The following IKBKE variants were observed in gnomAD, a reference collection of about 807,000 sequenced individuals.
IKBKE encodes the protein inhibitor of nuclear factor kappa B kinase subunit epsilon, also known as inhibitor of nuclear factor kappa-B kinase subunit epsilon.
In IKBKE, 45 loss-of-function variants were observed where a neutral mutation model predicts 92.1. The ratio of observed to expected loss-of-function variants is 0.49; its 90% CI spans 0.38 to 0.63. The LOEUF is 0.63. Among genes scored for constraint, IKBKE ranks in the 20% least tolerant of loss-of-function variants. The pLI, the probability that IKBKE is intolerant of heterozygous loss-of-function variation, is 0.00. For synonymous variants in IKBKE, 374 were observed against 380.3 expected, an observed-to-expected ratio of 0.98 and a Z score of 0.19; for missense variants, 700 against 932.8, an observed-to-expected ratio of 0.75 and a Z score of 3.25.
Position 206,478,825 on chromosome 1 carries a change from C to A in IKBKE, c.993-118C>A. 1 of 801,422 alleles carries A rather than the reference C, an allele frequency of 1.2e-6. No homozygotes were observed. The highest frequency in any genetic ancestry group is 2.2e-6 in the Non-Finnish European group (1 of 461,484). The allele number at this position is 801,422 out of a possible 1,614,324, so 49.6% of individuals were successfully genotyped here. ...CAGAGAAAACCACCCCCGTCCCTCC[C>A]TCTGCAAAACAGAGCCCTGTCTATG... On this transcript the variant is annotated intron_variant, in intron 9 of 21. Coordinates refer to ENST00000581977, the MANE Select transcript of IKBKE (RefSeq NM_014002.4). The surrounding 1 kb of genome is among the most constrained non-coding windows in gnomAD (Gnocchi z 4.8).
chr1:206,496,242 T>C lies in IKBKE; in HGVS notation c.*97T>C. ...CAACCCAGGGCAAGATCCCATCCCA[T>C]CACATCAGCCTACCTCCCTCCTGGC... On this transcript the variant is annotated 3_prime_UTR_variant, in exon 22 of 22. Transcript: ENST00000581977. 5.0e-6 allele frequency: 5 copies of C among 999,050 alleles called. No homozygotes were observed. Among genetic ancestry groups the C allele is most frequent in the Middle Eastern group, 2.1e-4 (1 of 4,760 alleles). The allele number at this position is 999,050 out of a possible 1,614,324, so 61.9% of individuals were successfully genotyped here.
intron 21 of IKBKE, among the ~76,000 whole-genome samples, chr1:206,494,477 T>C (rs1666115872): frequency 6.6e-6 from 1 of 151,732 alleles, no homozygotes; most frequent in Non-Finnish European, 1.5e-5. Flanking sequence ...TGCAGGATCA[T>C]CTCCTGATTT....
chr1:206,482,695 T>C (rs1301316002), intron 13 of IKBKE, among the ~76,000 whole-genome samples: 23 of 152,194 alleles, frequency 1.5e-4, no homozygotes, highest in Admixed American at 1.3e-3. Flanking sequence ...CTCCAGCCCA[T>C]TGTCACCTTC....
intron 3 of IKBKE, among the ~76,000 whole-genome samples, chr1:206,473,960 CAA>C (rs58205740): frequency 0.28 from 17,264 of 60,708 alleles, 676 homozygotes; most frequent in Non-Finnish European, 0.36. Flanking sequence ...GGCTCCGTCT[CAA>C]AAAAAAAAAA....
chr1:206,490,892 A>C lies in IKBKE; in HGVS notation c.1733+34A>C. On this transcript the variant is annotated intron_variant, in intron 17 of 21. Transcript: ENST00000581977. This position sits in a 1 kb window ranked among gnomAD's most constrained non-coding sequence, Gnocchi z 5.2. ...CCTGTCCTCCGGCAGGTGGGTGGGC[A>C]GGAGGGTGGGTGTCCTCAGGGCAGA... is the stretch of plus-strand genomic sequence containing the variant. 1 of 1,603,378 alleles carries C rather than the reference A, an allele frequency of 6.2e-7. No homozygotes were observed. The highest frequency in any genetic ancestry group is 1.1e-5 in the South Asian group (1 of 90,854).
Position 206,477,793 on chromosome 1 carries a change from C to T in IKBKE, c.746C>T (p.Ala249Val), listed in dbSNP as rs1553385811. 1 of 1,571,214 alleles carries T rather than the reference C, an allele frequency of 6.4e-7. No individual in the cohort carries two copies. The highest frequency in any genetic ancestry group is 1.2e-5 in the South Asian group (1 of 85,360). ...TEKPAGAIAG[A>V]QRRENGPLEW... ...AAGCCGGCTGGGGCCATTGCAGGTGCCCAGAGGCGGGAGAACGGGCCCCTG... is the reference window on the plus strand; with the variant it reads ...AAGCCGGCTGGGGCCATTGCAGGTGTCCAGAGGCGGGAGAACGGGCCCCTG... Residue 249 changes from alanine (A) to valine (V), a missense_variant, in exon 8 of 22, where the codon GCC becomes GTC. Physicochemically the swap from Ala to Val is moderately conservative, Grantham distance 64 (BLOSUM62 0). Coordinates refer to ENST00000581977, the MANE Select transcript of IKBKE (RefSeq NM_014002.4).
Position 206,476,981 on chromosome 1 carries a change from C to CT in IKBKE, c.701+150dup. On this transcript the variant is annotated intron_variant, in intron 7 of 21. Transcript: ENST00000581977. This position sits in a 1 kb window ranked among gnomAD's most constrained non-coding sequence, Gnocchi z 5.1. ...CCCCCAACCCAGGCTCTTTGTAGAT[C>CT]TTTTTTTGTTAATGGGATCAAACAA... The CT allele has an allele frequency of 1.2e-6, 1 of 852,960 alleles. No homozygotes were observed. The highest frequency in any genetic ancestry group is 1.8e-6 in the Non-Finnish European group (1 of 559,330). 52.8% of individuals were successfully genotyped at this position (852,960 alleles called of 1,614,324 possible). A position where few individuals can be genotyped will look rare whatever the true frequency, so the allele number is the denominator to read the frequency against.
At chr1:206,489,986 A>G (rs1665865356) in intron 16 of IKBKE, among the ~76,000 whole-genome samples, 1 of 152,316 alleles carries the variant, frequency 6.6e-6, no homozygotes, top group Non-Finnish European at 1.5e-5. Flanking sequence ...CATGAGCCTC[A>G]CGGGACTCCC....
At chr1:206,494,604 T>C (rs1256030958) in intron 21 of IKBKE, among the ~76,000 whole-genome samples, 3 of 126,038 alleles carry the variant, frequency 2.4e-5, no homozygotes, top group African/African-American at 1.0e-4. Flanking sequence ...TTTTTTTTTT[T>C]TTTTTTTTTT....
chr1:206,479,942 G>A lies in IKBKE; in HGVS notation c.1248+8G>A, dbSNP rs2103462798. On this transcript the variant is annotated splice_region_variant and intron_variant, in intron 11 of 21. Coordinates refer to ENST00000581977, the MANE Select transcript of IKBKE (RefSeq NM_014002.4). Reference sequence around the variant, plus strand: ...GATTACAACACTGCCAAGGTGAGGGGCAACCCCCAGGTGGCAGGGAGGGGC... The same window carrying A: ...GATTACAACACTGCCAAGGTGAGGGACAACCCCCAGGTGGCAGGGAGGGGC... The A allele has an allele frequency of 6.2e-7, 1 of 1,613,774 alleles. No homozygotes were observed.
chr1:206,476,112 C>A lies in IKBKE; in HGVS notation c.359-69C>A. 2 of 1,494,420 alleles carry A rather than the reference C, an allele frequency of 1.3e-6. No homozygotes were observed. Among genetic ancestry groups the A allele is most frequent in the Non-Finnish European group, 1.8e-6 (2 of 1,082,044 alleles). The allele number at this position is 1,494,420 out of a possible 1,614,324, so 92.6% of individuals were successfully genotyped here. A position where few individuals can be genotyped will look rare whatever the true frequency, so the allele number is the denominator to read the frequency against. On this transcript the variant is annotated intron_variant, in intron 5 of 21. Transcript: ENST00000581977. This position sits in a 1 kb window ranked among gnomAD's most constrained non-coding sequence, Gnocchi z 5.1. ...CTGGATGCAAGGACAGCCTTCCCAC[C>A]AAGATGAGCCTCAGACACTAGACTG...
rs1357563141 is a variant in IKBKE, at chr1:206,496,699, T to C, written c.*554T>C. The C allele has an allele frequency of 4.3e-6, 1 of 233,500 alleles. No individual in the cohort carries two copies. Among genetic ancestry groups the C allele is most frequent in the Non-Finnish European group, 8.5e-6 (1 of 118,280 alleles). 14.5% of individuals were successfully genotyped at this position (233,500 alleles called of 1,614,324 possible). ...GAGAGCCTCCTGTTCTTTCTATGCT[T>C]GGTCTGACTGAGCCTAAAGTTGAGA... On this transcript the variant is annotated 3_prime_UTR_variant, in exon 22 of 22. Transcript: ENST00000581977.
intron 18 of IKBKE, chr1:206,492,624 A>T: frequency 2.1e-6 from 1 of 476,898 alleles, no homozygotes; most frequent in Non-Finnish European, 4.3e-6. Flanking sequence ...CCTTCACTCC[A>T]CTTAGAGATA....
chr1:206,476,758 T>C lies in IKBKE; in HGVS notation c.621T>C (p.Ile207=). ...AFGVTVDLWS[I]GVTLYHAATG... ...GGGTGACTGTGGATCTCTGGAGCAT[T>C]GGAGTGACCTTGTACCATGCAGCCA... The change falls in exon 7 of 22, where the codon ATT becomes ATC. Residue 207 remains isoleucine (I), a synonymous_variant. Coordinates refer to ENST00000581977, the MANE Select transcript of IKBKE (RefSeq NM_014002.4). This position sits in a 1 kb window ranked among gnomAD's most constrained non-coding sequence, Gnocchi z 5.1. The C allele has an allele frequency of 6.2e-7, 1 of 1,614,210 alleles. No individual in the cohort carries two copies. Among genetic ancestry groups the C allele is most frequent in the Non-Finnish European group, 8.5e-7 (1 of 1,180,034 alleles).
At chr1:206,482,219 A>G (rs1373437170) in intron 13 of IKBKE, among the ~76,000 whole-genome samples, 1 of 152,204 alleles carries the variant, frequency 6.6e-6, no homozygotes, top group Non-Finnish European at 1.5e-5. Context: ...TCATGATGGC[A>G]GATAGCCCAG....
chr1:206,491,183 G>A, intron 17 of IKBKE: 2 of 437,806 alleles, frequency 4.6e-6, no homozygotes, highest in South Asian at 2.7e-5. Flanking sequence ...AACCTTCCCT[G>A]CCTCCCCCCG....
rs1270270413 is a variant in IKBKE, at chr1:206,490,931, C to T, written c.1733+73C>T. 3.6e-6 allele frequency: 5 copies of T among 1,388,478 alleles called. No homozygotes were observed. Among genetic ancestry groups the T allele is most frequent in the African/African-American group, 2.8e-5 (2 of 70,588 alleles). 86.0% of individuals were successfully genotyped at this position (1,388,478 alleles called of 1,614,324 possible). The stretch of plus-strand genomic sequence containing the variant: ...CCTCAGGGCAGAGCGATTCTCAACG[C>T]CAGAGGAGAGGCAGTGAAGGGCCCT... On this transcript the variant is annotated intron_variant, in intron 17 of 21. Coordinates refer to ENST00000581977, the MANE Select transcript of IKBKE (RefSeq NM_014002.4). This position sits in a 1 kb window ranked among gnomAD's most constrained non-coding sequence, Gnocchi z 5.2.
At position 206,481,931 on chromosome 1, in the gene IKBKE, C is replaced by G. The variant is rs41297626; in HGVS notation, c.1427+1398C>G. On this transcript the variant is annotated intron_variant, in intron 13 of 21. Coordinates refer to ENST00000581977, the MANE Select transcript of IKBKE (RefSeq NM_014002.4). ...AGTAGCTGGGACTACAGGTGCCCGC[C>G]ACTACGCCCGGCTAATTTTTTGTAT... Among the ~76,000 whole-genome samples the G allele has an allele frequency of 3.8e-3, 571 of 151,792 alleles. 1 individual carries two copies. The highest frequency in any genetic ancestry group is 0.013 in the African/African-American group (552 of 41,386).
chr1:206,486,178 T>G (rs1385729562), intron 15 of IKBKE, among the ~76,000 whole-genome samples: 1 of 152,280 alleles, frequency 6.6e-6, no homozygotes, highest in African/African-American at 2.4e-5. Context: ...TGAATGTGTT[T>G]GATTAGGAGT....
Sources: gnomAD v4.1 joint callset for allele counts (sites outside exome capture counted in the v4.1 genomes callset) on GRCh38, gnomAD v4.1.1 for gene constraint, Gnocchi (gnomAD v3.1) non-coding constraint, MANE v1.5 for transcripts, NCBI Gene and HGNC (gene_info 2026-07-23, HGNC 2026-07-21) for gene names.